The following ARHGAP22 variants were observed in gnomAD, a reference collection of about 807,000 sequenced individuals.
ARHGAP22 encodes Rho GTPase activating protein 22, also known as rho GTPase-activating protein 22.
A neutral mutation model predicts 59.1 loss-of-function variants in ARHGAP22; 48 were observed. The ratio of observed to expected loss-of-function variants is 0.81; its 90% CI spans 0.64 to 1.03. ARHGAP22 has a LOEUF of 1.03. Ranked by LOEUF, ARHGAP22 falls within the 50% of genes least tolerant of loss-of-function variation. The pLI, the probability that ARHGAP22 is intolerant of heterozygous loss-of-function variation, is 0.00. For missense variants in ARHGAP22, 1,015 were observed against 958.7 expected (o/e 1.06, Z -0.78); for synonymous variants, 445 against 416.4 (o/e 1.07, Z -0.84).
chr10:48,536,230 AG>A (rs2055340699), intron 3 of ARHGAP22, among the ~76,000 whole-genome samples: 1 of 152,220 alleles, frequency 6.6e-6, no homozygotes, highest in Admixed American at 6.5e-5. Context: ...TGATGGGCAC[AG>A]GGTGGTATCT....
intron 1 of ARHGAP22, among the ~76,000 whole-genome samples, chr10:48,636,484 G>A (rs746912775): frequency 2.0e-4 from 30 of 152,210 alleles, no homozygotes; most frequent in Admixed American, 9.8e-4. Context: ...AGCCAACAGG[G>A]ATTCTCCCTG....
intron 1 of ARHGAP22, among the ~76,000 whole-genome samples, chr10:48,630,517 A>G (rs1260338890): frequency 6.6e-6 from 1 of 152,208 alleles, no homozygotes; most frequent in Non-Finnish European, 1.5e-5. Context: ...GATTATGTAC[A>G]TATTCTGTTA....
chr10:48,567,417 G>T (rs1041633878), intron 2 of ARHGAP22, among the ~76,000 whole-genome samples: 5 of 152,220 alleles, frequency 3.3e-5, no homozygotes, highest in Non-Finnish European at 5.9e-5. Context: ...CCAGGGCTGG[G>T]TGCTGAGCAG....
intron 3 of ARHGAP22, among the ~76,000 whole-genome samples, chr10:48,531,921 G>A (rs944627731): frequency 2.6e-5 from 4 of 152,202 alleles, no homozygotes; most frequent in African/African-American, 9.7e-5. Context: ...TGGAGTGCTG[G>A]ATTGAGACCG....
Position 48,493,517 on chromosome 10 carries a change from AGAG to A in ARHGAP22, c.323-13756_323-13754del, listed in dbSNP as rs576536431. The A allele has an allele frequency of 1.3e-4, 205 of 1,534,806 alleles. No individual in the cohort carries two copies. The African/African-American group carries it at 2.6e-3, about 19-fold the overall frequency. On this transcript the variant is annotated intron_variant, in intron 3 of 9. Transcript: ENST00000249601. ...GTGTGGAGCAGCGGGGGCTGCAGTG[AGAG>A]GAGCAGTGGCCAGACACACCTGTTG...
At position 48,583,331 on chromosome 10, in the gene ARHGAP22, C is replaced by T. The variant is rs140460133; in HGVS notation, c.35-179G>A. On this transcript the variant is annotated intron_variant, in intron 1 of 9. Coordinates refer to ENST00000249601, the MANE Select transcript of ARHGAP22 (RefSeq NM_021226.4). ...AGGGGCATGGGTTGGAGCATCTGTG[C>T]AGCAGCCTGCAGTGATCCCCCTGGG... Among the ~76,000 whole-genome samples, 311 of 152,366 alleles carry T rather than the reference C, an allele frequency of 2.0e-3. 1 individual carries two copies. The highest frequency in any genetic ancestry group is 3.2e-3 in the Non-Finnish European group (216 of 68,038).
At chr10:48,579,523 G>A (rs917558572) in intron 2 of ARHGAP22, among the ~76,000 whole-genome samples, 1 of 152,198 alleles carries the variant, frequency 6.6e-6, no homozygotes, top group Non-Finnish European at 1.5e-5. Context: ...CTTTCCATTT[G>A]AGCTTGTGCA....
chr10:48,485,131 T>C (rs1368594639), intron 3 of ARHGAP22, among the ~76,000 whole-genome samples: 5 of 152,228 alleles, frequency 3.3e-5, no homozygotes, highest in Non-Finnish European at 5.9e-5. Flanking sequence ...CTGCAGGTTG[T>C]AGGTTGCCGA....
chr10:48,583,151 G>A lies in ARHGAP22; in HGVS notation c.36C>T (p.Ala12=). 1 of 1,613,560 alleles carries A rather than the reference G, an allele frequency of 6.2e-7. No individual in the cohort carries two copies. The highest frequency in any genetic ancestry group is 8.5e-7 in the Non-Finnish European group (1 of 1,179,774). The change falls in exon 2 of 10, where the codon GCC becomes GCT. Residue 12 remains alanine (A), a splice_region_variant and synonymous_variant. Coordinates refer to ENST00000249601, the MANE Select transcript of ARHGAP22 (RefSeq NM_021226.4). ...CCCCCATCACTAGGCTTTTGGAGCG[G>A]GCTGAAAGCCAAGGACACACAGAGT... ...LSPKIRQARR[A]RSKSLVMGEQ... is the part of the protein sequence containing the mutation.
At chr10:48,579,610 G>A (rs993962648) in intron 2 of ARHGAP22, among the ~76,000 whole-genome samples, 7 of 152,226 alleles carry the variant, frequency 4.6e-5, no homozygotes, top group Admixed American at 3.9e-4. Flanking sequence ...CTGCCAGCAA[G>A]ATGGGGAGAG....
intron 1 of ARHGAP22, among the ~76,000 whole-genome samples, chr10:48,643,765 AT>A (rs376824550): frequency 0.055 from 6,318 of 115,054 alleles, 115 homozygotes; most frequent in Non-Finnish European, 0.061. Context: ...AAAAAAAAAA[AT>A]ATATATATAT....
At chr10:48,568,839 G>T (rs7919818) in intron 2 of ARHGAP22, among the ~76,000 whole-genome samples, 60,271 of 151,962 alleles carry the variant, frequency 0.4, 13,563 homozygotes, top group East Asian at 0.89. Context: ...TGAACCACCG[G>T]CCTGCTCTTC....
intron 3 of ARHGAP22, among the ~76,000 whole-genome samples, chr10:48,501,572 G>A (rs921602885): frequency 1.3e-5 from 2 of 152,180 alleles, no homozygotes; most frequent in African/African-American, 4.8e-5. Context: ...AATCTCTTTG[G>A]AAGAATAATT....
rs773819510 is a variant in ARHGAP22, at chr10:48,453,433, G to T, written c.867-8C>A. The T allele has an allele frequency of 5.0e-6, 8 of 1,613,532 alleles. No individual in the cohort carries two copies. In the South Asian group the frequency reaches 8.8e-5, roughly 18 times the overall value. On this transcript the variant is annotated splice_polypyrimidine_tract_variant and splice_region_variant and intron_variant, in intron 7 of 9. Coordinates refer to ENST00000249601, the MANE Select transcript of ARHGAP22 (RefSeq NM_021226.4). ...TGAACTTCATCCAGAAACCTGCAAA[G>T]TAAGGAAGCAGCAGTCATCAAAGAA...
chr10:48,607,358 G>A (rs930883029), upstream of ARHGAP22, among the ~76,000 whole-genome samples: 1 of 152,198 alleles, frequency 6.6e-6, no homozygotes, highest in Non-Finnish European at 1.5e-5. Flanking sequence ...GTTGATCTAC[G>A]TTCTGCGTCT....
At position 48,453,438 on chromosome 10, in the gene ARHGAP22, G is replaced by T; in HGVS notation, c.867-13C>A. 6.2e-7 allele frequency: 1 copy of T among 1,613,340 alleles called. No homozygotes were observed. The highest frequency in any genetic ancestry group is 8.5e-7 in the Non-Finnish European group (1 of 1,179,630). ...TTCATCCAGAAACCTGCAAAGTAAG[G>T]AAGCAGCAGTCATCAAAGAAGCAAG... On this transcript the variant is annotated splice_polypyrimidine_tract_variant and intron_variant, in intron 7 of 9. Transcript: ENST00000249601.
At position 48,446,141 on chromosome 10, in the gene ARHGAP22, G is replaced by C. The variant is rs986311233; in HGVS notation, c.*250C>G. ...CCATGAAGGATATTTCCTGGGTAAG[G>C]GCTAAGCGCTACTCTTGGTACCGTC... On this transcript the variant is annotated 3_prime_UTR_variant, in exon 10 of 10. Transcript: ENST00000249601. 5.6e-6 allele frequency: 3 copies of C among 538,872 alleles called. No homozygotes were observed. The highest frequency in any genetic ancestry group is 9.8e-6 in the Non-Finnish European group (3 of 306,102). The allele number at this position is 538,872 out of a possible 1,614,324, so 33.4% of individuals were successfully genotyped here.
At chr10:48,624,727 A>G (rs1201723411) in intron 1 of ARHGAP22, among the ~76,000 whole-genome samples, 1 of 152,252 alleles carries the variant, frequency 6.6e-6, no homozygotes, top group African/African-American at 2.4e-5. Flanking sequence ...GCCAACTCCA[A>G]GAAAGATAAG....
chr10:48,452,537 G>A (rs2046078694), intron 8 of ARHGAP22, among the ~76,000 whole-genome samples: 2 of 152,232 alleles, frequency 1.3e-5, no homozygotes, highest in South Asian at 2.1e-4. Flanking sequence ...ACTCCGCCAC[G>A]TCCCTCAACA....
Sources: gnomAD v4.1 joint callset for allele counts (sites outside exome capture counted in the v4.1 genomes callset) on GRCh38, gnomAD v4.1.1 for gene constraint, MANE v1.5 for transcripts, NCBI Gene and HGNC (gene_info 2026-07-23, HGNC 2026-07-21) for gene names.